CFAP54: variants seen among roughly 807,000 people sequenced by gnomAD.
CFAP54 encodes the protein cilia and flagella associated protein 54, also known as cilia- and flagella-associated protein 54.
Under a neutral mutation model 370.4 loss-of-function variants are expected in CFAP54, and 290 were observed. The observed-to-expected ratio is 0.78, with a 90% CI of 0.71 to 0.86. The LOEUF (loss-of-function observed/expected upper bound fraction) is 0.86, where lower values mean the gene tolerates loss of function less well. Ranked by LOEUF, CFAP54 falls within the 40% of genes least tolerant of loss-of-function variation. The probability of loss-of-function intolerance (pLI) is 0.00; values close to 1 mark genes in which losing one functional copy is unlikely to be tolerated. For missense variants in CFAP54, 3,399 were observed against 3,528.7 expected, an observed-to-expected ratio of 0.96 and a Z score of 0.93; for synonymous variants, 1,206 against 1,236.5, an observed-to-expected ratio of 0.98 and a Z score of 0.52.
At chr12:96,639,774 C>T (rs1226058777) in intron 32 of CFAP54, among the ~76,000 whole-genome samples, 2 of 152,278 alleles carry the variant, frequency 1.3e-5, no homozygotes. Flanking sequence ...GCTGGTTCAA[C>T]ATATGCAAAT....
intron 36 of CFAP54, among the ~76,000 whole-genome samples, chr12:96,654,644 T>C (rs1956901494): frequency 6.6e-6 from 1 of 152,154 alleles, no homozygotes; most frequent in Non-Finnish European, 1.5e-5. Flanking sequence ...CCTTTTATCT[T>C]ACTGCTCCTT....
At position 96,554,289 on chromosome 12, in the gene CFAP54, A is replaced by G; in HGVS notation, c.2262A>G (p.Val754=). The change falls in exon 16 of 68, where the codon GTA becomes GTG. Residue 754 remains valine, a synonymous_variant. Coordinates refer to ENST00000524981, the MANE Select transcript of CFAP54 (RefSeq NM_001306084.2). ...MLTSLPNGSS[V]IDHCYAKRTH... is the part of the protein sequence containing the mutation. ...CCTCTTTGCCAAATGGATCATCAGT[A>G]ATTGACCACTGCTATGCCAAGGTAA... The G allele has an allele frequency of 6.6e-7, 1 of 1,525,996 alleles. No homozygotes were observed. The highest frequency in any genetic ancestry group is 8.8e-7 in the Non-Finnish European group (1 of 1,142,768). The allele number at this position is 1,525,996 out of a possible 1,614,324, so 94.5% of individuals were successfully genotyped here. A position where few individuals can be genotyped will look rare whatever the true frequency, so the allele number is the denominator to read the frequency against.
rs888291085 is a variant in CFAP54, at chr12:96,644,302, A to C, written c.4441A>C (p.Arg1481=). The change falls in exon 33 of 68, where the codon AGA becomes CGA. Residue 1481 remains arginine (R), a synonymous_variant. Coordinates refer to ENST00000524981, the MANE Select transcript of CFAP54 (RefSeq NM_001306084.2). ...HRLSLEEMPW[R]AQMNLYLAGA... The stretch of plus-strand genomic sequence containing the variant: ...TCTATCACTTGAAGAGATGCCCTGG[A>C]GAGCTCAGATGAACCTGTATCTAGC... 27 of 1,535,850 alleles carry C rather than the reference A, an allele frequency of 1.8e-5. No individual in the cohort carries two copies. The highest frequency in any genetic ancestry group is 2.2e-5 in the Non-Finnish European group (25 of 1,146,762).
At chr12:96,603,352 T>A (rs1330635376) in intron 26 of CFAP54, among the ~76,000 whole-genome samples, 1 of 152,238 alleles carries the variant, frequency 6.6e-6, no homozygotes, top group African/African-American at 2.4e-5. Context: ...TTTCCCTTTG[T>A]GGGTAACCCT....
chr12:96,619,549 T>C (rs900559487), intron 26 of CFAP54, among the ~76,000 whole-genome samples: 2 of 152,240 alleles, frequency 1.3e-5, no homozygotes, highest in Non-Finnish European at 2.9e-5. Flanking sequence ...GATTTAAAAA[T>C]TGTTATGCTA....
chr12:96,597,857 C>T (rs1400770847), intron 25 of CFAP54, among the ~76,000 whole-genome samples: 1 of 151,774 alleles, frequency 6.6e-6, no homozygotes, highest in African/African-American at 2.4e-5. Flanking sequence ...CGGGAAAACT[C>T]CAAAACTACT....
At chr12:96,530,853 T>A (rs922601404) in intron 9 of CFAP54, among the ~76,000 whole-genome samples, 1 of 152,214 alleles carries the variant, frequency 6.6e-6, no homozygotes, top group East Asian at 1.9e-4. Flanking sequence ...TATCATTACT[T>A]TTTTATTTTA....
chr12:96,585,561 ATCTGC>A, intron 22 of CFAP54, among the ~76,000 whole-genome samples: 1 of 152,116 alleles, frequency 6.6e-6, no homozygotes, highest in South Asian at 2.1e-4. Context: ...ACCTCAGGTG[ATCTGC>A]CCACATTGGC....
At chr12:96,602,013 T>G (rs1956247934) in intron 26 of CFAP54, among the ~76,000 whole-genome samples, 1 of 152,236 alleles carries the variant, frequency 6.6e-6, no homozygotes, top group South Asian at 2.1e-4. Flanking sequence ...TGAATGTGTT[T>G]GCTCTTGCTT....
intron 3 of CFAP54, 38 bp from the exon 4 acceptor site, chr12:96,506,890 T>A: frequency 6.7e-7 from 1 of 1,484,864 alleles, no homozygotes; most frequent in South Asian, 1.3e-5. Context: ...CCTGGCCAGT[T>A]ATTTCTATTT....
chr12:96,696,742 T>A (rs566101100), intron 45 of CFAP54, among the ~76,000 whole-genome samples: 12 of 152,214 alleles, frequency 7.9e-5, no homozygotes, highest in African/African-American at 2.9e-4. Flanking sequence ...ATAGTAGGAT[T>A]GAAAAACCAG....
chr12:96,598,701 G>A lies in CFAP54; in HGVS notation c.3573G>A (p.Lys1191=). The change falls in exon 26 of 68, where the codon AAG becomes AAA. Residue 1191 remains lysine (K), a synonymous_variant. Coordinates refer to ENST00000524981, the MANE Select transcript of CFAP54 (RefSeq NM_001306084.2). The part of the protein sequence containing the change: ...LQGLPSIVCS[K]KHTASFESIQ... Reference sequence around the variant, plus strand: ...GACTACCAAGTATTGTCTGCTCGAAGAAACATACTGCGAGCTTTGAAAGTA... The same window carrying A: ...GACTACCAAGTATTGTCTGCTCGAAAAAACATACTGCGAGCTTTGAAAGTA... 1 of 681,562 alleles carries A rather than the reference G, an allele frequency of 1.5e-6. No individual in the cohort carries two copies. The highest frequency in any genetic ancestry group is 1.6e-5 in the South Asian group (1 of 63,176). The allele number at this position is 681,562 out of a possible 1,614,324, so 42.2% of individuals were successfully genotyped here. A position where few individuals can be genotyped will look rare whatever the true frequency, so the allele number is the denominator to read the frequency against.
chr12:96,633,469 G>A (rs1323919397), intron 32 of CFAP54, among the ~76,000 whole-genome samples: 1 of 152,198 alleles, frequency 6.6e-6, no homozygotes, highest in African/African-American at 2.4e-5. Context: ...GCATGCACAT[G>A]TGTGTGTGTT....
intron 39 of CFAP54, among the ~76,000 whole-genome samples, chr12:96,664,810 T>G (rs1418015876): frequency 6.6e-4 from 26 of 39,544 alleles, no homozygotes; most frequent in African/African-American, 2.6e-3. Context: ...TATATATATA[T>G]ATAGATATAT....
intron 34 of CFAP54, among the ~76,000 whole-genome samples, chr12:96,649,393 A>G (rs1956833466): frequency 6.6e-6 from 1 of 152,024 alleles, no homozygotes; most frequent in Non-Finnish European, 1.5e-5. Flanking sequence ...TGCTACCGAG[A>G]CTTACTATCT....
chr12:96,721,250 A>T (rs1222495498), intron 50 of CFAP54, among the ~76,000 whole-genome samples: 7 of 152,350 alleles, frequency 4.6e-5, no homozygotes, highest in Non-Finnish European at 5.9e-5. Context: ...ATTTTGAAAA[A>T]GTAAGTTTCT....
Position 96,784,699 on chromosome 12 carries a change from A to G in CFAP54, c.8282-18A>G, listed in dbSNP as rs776793117. ...ATAATATAATATTGTATTACAAAAA[A>G]AAGTTTTTCACTTTCAGACAACTAC... is the stretch of plus-strand genomic sequence containing the variant. On this transcript the variant is annotated intron_variant, in intron 60 of 67. Coordinates refer to ENST00000524981, the MANE Select transcript of CFAP54 (RefSeq NM_001306084.2). The G allele has an allele frequency of 2.4e-5, 36 of 1,483,666 alleles. No homozygotes were observed. Among genetic ancestry groups the G allele is most frequent in the South Asian group, 2.2e-4 (17 of 75,638 alleles). The allele number at this position is 1,483,666 out of a possible 1,614,324, so 91.9% of individuals were successfully genotyped here.
chr12:96,724,791 G>C (rs1456482155), intron 50 of CFAP54, among the ~76,000 whole-genome samples: 3 of 152,160 alleles, frequency 2.0e-5, no homozygotes, highest in East Asian at 1.9e-4. Flanking sequence ...TTTTCTTCTA[G>C]GGTTTTTATG....
chr12:96,843,535 A>G (rs1220392162), intron 66 of CFAP54, among the ~76,000 whole-genome samples: 1 of 152,208 alleles, frequency 6.6e-6, no homozygotes, highest in East Asian at 1.9e-4. Context: ...GTGCTAACAA[A>G]TAAGCACCAA....
Sources: gnomAD v4.1 joint callset for allele counts (sites outside exome capture counted in the v4.1 genomes callset) on GRCh38, gnomAD v4.1.1 for gene constraint, MANE v1.5 for transcripts, NCBI Gene and HGNC (gene_info 2026-07-23, HGNC 2026-07-21) for gene names.